The following CAMK1D variants were observed in gnomAD, a reference collection of about 807,000 sequenced individuals.
CAMK1D encodes calcium/calmodulin-dependent protein kinase type 1D.
In CAMK1D, 9 loss-of-function variants were observed where a neutral mutation model predicts 47.7. The observed-to-expected ratio is 0.19, with a 90% CI of 0.11 to 0.33. The LOEUF is 0.33. Among genes scored for constraint, CAMK1D ranks in the 10% least tolerant of loss-of-function variants. CAMK1D has a pLI of 1.00. For missense variants in CAMK1D, 291 were observed against 488.7 expected, an observed-to-expected ratio of 0.60 and a Z score of 3.81; for synonymous variants, 184 against 184.9, an observed-to-expected ratio of 0.99 and a Z score of 0.04.
chr10:12,515,408 TTTTTTTTTTC>T (rs1221499212), intron 1 of CAMK1D, among the ~76,000 whole-genome samples: 6 of 80,398 alleles, frequency 7.5e-5, no homozygotes, highest in Admixed American at 2.6e-4. Flanking sequence ...TTTTCTTTTT[TTTTTTTTTTC>T]TTTTTTTTTT....
intron 1 of CAMK1D, among the ~76,000 whole-genome samples, chr10:12,394,011 C>G (rs1024312292): frequency 6.6e-6 from 1 of 152,218 alleles, no homozygotes; most frequent in Non-Finnish European, 1.5e-5. Flanking sequence ...CCCGACACCC[C>G]CTCCGCTTCA....
At chr10:12,363,277 C>G (rs978083814) in intron 1 of CAMK1D, among the ~76,000 whole-genome samples, 1 of 151,422 alleles carries the variant, frequency 6.6e-6, no homozygotes, top group Non-Finnish European at 1.5e-5. Flanking sequence ...GTTTTTGAGA[C>G]GGATTCTTGC....
At chr10:12,547,682 T>TCCACACA (rs10643491) in intron 1 of CAMK1D, among the ~76,000 whole-genome samples, 41 of 116,576 alleles carry the variant, frequency 3.5e-4, no homozygotes, top group Middle Eastern at 8.8e-3. Context: ...TTTCTCTCTC[T>TCCACACA]CACACACACA....
intron 2 of CAMK1D, among the ~76,000 whole-genome samples, chr10:12,639,149 C>T (rs904752314): frequency 6.6e-6 from 1 of 152,230 alleles, no homozygotes; most frequent in Non-Finnish European, 1.5e-5. Context: ...GAGAAAGTCC[C>T]CTTTCTATTT....
intron 2 of CAMK1D, among the ~76,000 whole-genome samples, chr10:12,648,421 A>G (rs913735211): frequency 6.6e-6 from 1 of 151,986 alleles, no homozygotes; most frequent in African/African-American, 2.4e-5. Context: ...AGTAATGGCT[A>G]CTCCGCTAGA....
chr10:12,498,705 G>A (rs1266701213), intron 1 of CAMK1D, among the ~76,000 whole-genome samples: 2 of 152,128 alleles, frequency 1.3e-5, no homozygotes, highest in South Asian at 2.1e-4. Context: ...GGGGAGTGAC[G>A]GGGAAGCAGA....
intron 1 of CAMK1D, among the ~76,000 whole-genome samples, chr10:12,431,435 CT>C (rs1832471900): frequency 6.6e-6 from 1 of 152,172 alleles, no homozygotes; most frequent in Non-Finnish European, 1.5e-5. Flanking sequence ...AGGAGAGAGA[CT>C]GGGTGGGTCG....
At chr10:12,693,910 A>T (rs1276288258) in intron 3 of CAMK1D, among the ~76,000 whole-genome samples, 1 of 110,300 alleles carries the variant, frequency 9.1e-6, no homozygotes, top group East Asian at 2.4e-4. Context: ...TATATATATA[A>T]TATATATAAA....
chr10:12,474,673 G>A (rs973871215), intron 1 of CAMK1D, among the ~76,000 whole-genome samples: 1 of 152,006 alleles, frequency 6.6e-6, no homozygotes, highest in African/African-American at 2.4e-5. Context: ...GGGGTTTGCT[G>A]TACAGATTTT....
rs71762629 is a variant in CAMK1D, at chr10:12,616,509, TTTGTTG to T, written c.225-50209_225-50204del. 5.2e-3 allele frequency among the ~76,000 whole-genome samples: 779 copies of T among 151,248 alleles called. 6 individuals are homozygous for T. Among genetic ancestry groups the T allele is most frequent in the South Asian group, 0.018 (84 of 4,788 alleles). ...CAAGTATCTTTTTGTTTGTTTGTTT[TTTGTTG>T]TTGTTGTTGTTGTTGTTTTTGAGAC... is the stretch of plus-strand genomic sequence containing the variant. On this transcript the variant is annotated intron_variant, in intron 2 of 10. Transcript: ENST00000619168.
chr10:12,793,331 C>T (rs1484445251), intron 6 of CAMK1D, among the ~76,000 whole-genome samples: 2 of 152,080 alleles, frequency 1.3e-5, no homozygotes, highest in African/African-American at 4.8e-5. Context: ...CTGTGGACTC[C>T]CTTTGGGTTT....
intron 1 of CAMK1D, among the ~76,000 whole-genome samples, chr10:12,506,764 C>T (rs964170306): frequency 1.4e-4 from 21 of 152,028 alleles, no homozygotes; most frequent in African/African-American, 2.4e-4. Flanking sequence ...GTGATCCGCC[C>T]GCCTCAGCCT....
rs1168862820 is a variant in CAMK1D, at chr10:12,359,412, TAGCATTA to T, written c.92+9507_92+9513del. On this transcript the variant is annotated intron_variant, in intron 1 of 10. Coordinates refer to ENST00000619168, the MANE Select transcript of CAMK1D (RefSeq NM_153498.4). ...CAGGGGTGATTAGTTCATGTAATGC[TAGCATTA>T]AGCAAAAGACTCTGCCTGAAACGTC... Among the ~76,000 whole-genome samples the T allele has an allele frequency of 2.1e-5, 3 of 142,148 alleles. No homozygotes were observed. The Admixed American group carries it at 2.2e-4, about 11-fold the overall frequency. 93.3% of individuals were successfully genotyped at this position (142,148 alleles called of 152,430 possible). A position where few individuals can be genotyped will look rare whatever the true frequency, so the allele number is the denominator to read the frequency against.
chr10:12,419,993 T>C (rs1425339672), intron 1 of CAMK1D, among the ~76,000 whole-genome samples: 2 of 151,964 alleles, frequency 1.3e-5, no homozygotes, highest in Non-Finnish European at 2.9e-5. Flanking sequence ...AGAGTCTTGC[T>C]CTGTCGCCCA....
intron 1 of CAMK1D, among the ~76,000 whole-genome samples, chr10:12,388,532 G>A (rs1195960516): frequency 1.3e-5 from 2 of 152,206 alleles, no homozygotes; most frequent in African/African-American, 2.4e-5. Context: ...CCCAGGAAAT[G>A]TTTTTGGCAG....
intron 3 of CAMK1D, among the ~76,000 whole-genome samples, chr10:12,731,918 T>A (rs1393023335): frequency 6.6e-6 from 1 of 151,550 alleles, no homozygotes; most frequent in Admixed American, 6.6e-5. Context: ...GACGATGGGG[T>A]AGGGAGGAGG....
intron 8 of CAMK1D, among the ~76,000 whole-genome samples, chr10:12,817,543 T>G (rs1291423563): frequency 6.6e-6 from 1 of 152,224 alleles, no homozygotes; most frequent in African/African-American, 2.4e-5. Flanking sequence ...TTGACTTTTG[T>G]GAGCCTCTGT....
intron 3 of CAMK1D, among the ~76,000 whole-genome samples, chr10:12,710,778 C>A (rs1338405453): frequency 6.6e-6 from 1 of 152,156 alleles, no homozygotes; most frequent in African/African-American, 2.4e-5. Flanking sequence ...AATCACACAG[C>A]AGAACCTCTG....
chr10:12,655,081 C>A (rs1025579786), intron 2 of CAMK1D, among the ~76,000 whole-genome samples: 12 of 152,144 alleles, frequency 7.9e-5, no homozygotes, highest in African/African-American at 2.9e-4. Context: ...TACAGAAATA[C>A]CTGAGCCTGG....
Sources: gnomAD v4.1 joint callset for allele counts (sites outside exome capture counted in the v4.1 genomes callset) on GRCh38, gnomAD v4.1.1 for gene constraint, MANE v1.5 for transcripts, NCBI Gene and HGNC (gene_info 2026-07-23, HGNC 2026-07-21) for gene names.